The following PDGFC variants were observed in gnomAD, a reference collection of about 807,000 sequenced individuals.
PDGFC encodes platelet derived growth factor C.
Under a neutral mutation model 35.5 loss-of-function variants are expected in PDGFC, and 12 were observed. The ratio of observed to expected loss-of-function variants is 0.34; its 90% CI spans 0.22 to 0.55. PDGFC has a LOEUF of 0.55. Ranked by LOEUF, PDGFC falls within the 20% of genes least tolerant of loss-of-function variation. The probability of loss-of-function intolerance (pLI) is 0.91; values close to 1 mark genes in which losing one functional copy is unlikely to be tolerated. For synonymous variants in PDGFC, 159 were observed against 148.8 expected (o/e 1.07, Z -0.50); for missense variants, 322 against 412.4 (o/e 0.78, Z 1.90).
At chr4:156,925,292 T>G (rs1579103586) in intron 1 of PDGFC, among the ~76,000 whole-genome samples, 1 of 152,266 alleles carries the variant, frequency 6.6e-6, no homozygotes, top group East Asian at 1.9e-4. Flanking sequence ...GTGCATTTTT[T>G]TAAAGACTCT....
chr4:156,785,809 G>A (rs1731108293), intron 3 of PDGFC, among the ~76,000 whole-genome samples: 1 of 152,090 alleles, frequency 6.6e-6, no homozygotes, highest in Admixed American at 6.5e-5. Flanking sequence ...ATACTCAGGA[G>A]GTGCAAAGTC....
intron 3 of PDGFC, among the ~76,000 whole-genome samples, chr4:156,776,990 T>C (rs1330252737): frequency 1.3e-5 from 2 of 152,164 alleles, no homozygotes; most frequent in Non-Finnish European, 2.9e-5. Flanking sequence ...TCTTGAGAGC[T>C]TCAAAAATAT....
intron 1 of PDGFC, among the ~76,000 whole-genome samples, chr4:156,901,170 A>T (rs1474750759): frequency 6.6e-6 from 1 of 152,126 alleles, no homozygotes; most frequent in Non-Finnish European, 1.5e-5. Context: ...ACCCATAGAG[A>T]TTCCATTTCA....
chr4:156,780,535 G>A (rs1004527882), intron 3 of PDGFC, among the ~76,000 whole-genome samples: 3 of 152,112 alleles, frequency 2.0e-5, no homozygotes, highest in Admixed American at 6.6e-5. Flanking sequence ...TGGCTATATT[G>A]GTAGACATTG....
intron 1 of PDGFC, among the ~76,000 whole-genome samples, chr4:156,955,067 A>G (rs779635285): frequency 6.6e-6 from 1 of 152,050 alleles, no homozygotes; most frequent in Non-Finnish European, 1.5e-5. Context: ...GAGTTTAGAG[A>G]AGAGAGACAT....
chr4:156,840,831 C>T (rs372867135), intron 2 of PDGFC, among the ~76,000 whole-genome samples: 1 of 152,164 alleles, frequency 6.6e-6, no homozygotes, highest in Non-Finnish European at 1.5e-5. Flanking sequence ...CATTTTGGAA[C>T]TTTACGATTT....
At chr4:156,842,311 C>T (rs984624906) in intron 2 of PDGFC, 5 of 151,182 alleles carry the variant, frequency 3.3e-5, no homozygotes, top group Non-Finnish European at 7.4e-5. Context: ...CTACCCAGAC[C>T]GATAACAAAG....
intron 1 of PDGFC, among the ~76,000 whole-genome samples, chr4:156,865,188 A>G (rs939346304): frequency 1.3e-4 from 19 of 147,110 alleles, no homozygotes; most frequent in Middle Eastern, 7.0e-3. Context: ...ATACATGTGC[A>G]CACACACACA....
chr4:156,824,538 T>C (rs1373644008), intron 2 of PDGFC, among the ~76,000 whole-genome samples: 4 of 151,870 alleles, frequency 2.6e-5, no homozygotes, highest in Admixed American at 1.3e-4. Flanking sequence ...TTGTAACCCA[T>C]AGGATTAAAT....
intron 1 of PDGFC, among the ~76,000 whole-genome samples, chr4:156,905,454 C>T (rs1231051312): frequency 6.6e-6 from 1 of 151,964 alleles, no homozygotes; most frequent in African/African-American, 2.4e-5. Flanking sequence ...CCATAATGTG[C>T]AATGCGTAAA....
At chr4:156,814,773 C>T (rs7673268) in intron 2 of PDGFC, among the ~76,000 whole-genome samples, 9,659 of 152,046 alleles carry the variant, frequency 0.064, 1,000 homozygotes, top group African/African-American at 0.22. Flanking sequence ...AGGGCTTTAA[C>T]GACACAAAAA....
At chr4:156,969,741 GATGATATACAAAGCAGTAAAAAC>G in intron 1 of PDGFC, among the ~76,000 whole-genome samples, 1 of 152,156 alleles carries the variant, frequency 6.6e-6, no homozygotes, top group East Asian at 1.9e-4. Flanking sequence ...ATTCTGAATA[GATGATATACAAAGCAGTAAAAAC>G]ATGTATATTC....
At chr4:156,875,304 G>T (rs1730086863) in intron 1 of PDGFC, among the ~76,000 whole-genome samples, 1 of 152,114 alleles carries the variant, frequency 6.6e-6, no homozygotes, top group Non-Finnish European at 1.5e-5. Context: ...ATAACAATCA[G>T]AGGCAACAGA....
chr4:156,850,334 A>G lies in PDGFC; in HGVS notation c.201T>C (p.Tyr67=). 5.0e-6 allele frequency: 8 copies of G among 1,607,390 alleles called. No homozygotes were observed. The highest frequency in any genetic ancestry group is 6.0e-6 in the Non-Finnish European group (7 of 1,174,600). The change falls in exon 2 of 6, where the codon TAT becomes TAC. Residue 67 remains tyrosine, a synonymous_variant. Coordinates refer to ENST00000502773, the MANE Select transcript of PDGFC (RefSeq NM_016205.3). ...TCCATACCAAGACCGTATTTCTTGG[A>G]TAAGTATGAGGAAACCTTGGGCTGT... ...SIHSPRFPHT[Y]PRNTVLVWRL...
At chr4:156,827,830 T>C (rs1728817916) in intron 2 of PDGFC, among the ~76,000 whole-genome samples, 1 of 152,212 alleles carries the variant, frequency 6.6e-6, no homozygotes, top group African/African-American at 2.4e-5. Flanking sequence ...TTTCTACAAG[T>C]AATATCCAAT....
At chr4:156,779,938 T>C (rs1730930811) in intron 3 of PDGFC, among the ~76,000 whole-genome samples, 1 of 152,142 alleles carries the variant, frequency 6.6e-6, no homozygotes, top group African/African-American at 2.4e-5. Flanking sequence ...CAGAGCAGGC[T>C]CATTGTTGGC....
intron 2 of PDGFC, among the ~76,000 whole-genome samples, chr4:156,811,800 G>A (rs73856754): frequency 0.012 from 1,776 of 152,178 alleles, 26 homozygotes; most frequent in African/African-American, 0.04. Context: ...CCCCATGACA[G>A]ACTGTTTCAC....
At chr4:156,963,814 G>A (rs1732398224) in intron 1 of PDGFC, among the ~76,000 whole-genome samples, 1 of 152,034 alleles carries the variant, frequency 6.6e-6, no homozygotes, top group Non-Finnish European at 1.5e-5. Flanking sequence ...TAACAACTTG[G>A]CTTTAATTAT....
chr4:156,850,150 A>G, intron 2 of PDGFC, 71 bp downstream of exon 2: 1 of 765,368 alleles, frequency 1.3e-6, no homozygotes. Flanking sequence ...AAATCAGATC[A>G]TCAAAATTAA....
Sources: gnomAD v4.1 joint callset for allele counts (sites outside exome capture counted in the v4.1 genomes callset) on GRCh38, gnomAD v4.1.1 for gene constraint, MANE v1.5 for transcripts, NCBI Gene and HGNC (gene_info 2026-07-23, HGNC 2026-07-21) for gene names.